NUCKS1: variants seen among roughly 807,000 people sequenced by gnomAD.
The protein encoded by NUCKS1 is nuclear casein kinase and cyclin dependent kinase substrate 1.
Under a neutral mutation model 33.0 loss-of-function variants are expected in NUCKS1, and 2 were observed. The ratio of observed to expected loss-of-function variants is 0.06; its 90% CI spans 0.02 to 0.19. The LOEUF (loss-of-function observed/expected upper bound fraction) is 0.19, where lower values mean the gene tolerates loss of function less well. NUCKS1 is among the 10% of genes least tolerant of loss of function. The probability of loss-of-function intolerance (pLI) is 1.00; values close to 1 mark genes in which losing one functional copy is unlikely to be tolerated. For synonymous variants in NUCKS1, 106 were observed against 102.8 expected, an observed-to-expected ratio of 1.03 and a Z score of -0.19; for missense variants, 201 against 293.6, an observed-to-expected ratio of 0.68 and a Z score of 2.31.
chr1:205,749,891 C>T, intron 1 of NUCKS1, 66 bp downstream of exon 1: 1 of 1,524,530 alleles, frequency 6.6e-7, no homozygotes, highest in East Asian at 2.3e-5. Flanking sequence ...CTTCTGTCCC[C>T]CACTCTTTTC....
At position 205,715,423 on chromosome 1, in the gene NUCKS1, A is replaced by G. The variant is rs1343206592; in HGVS notation, c.*2857T>C. On this transcript the variant is annotated 3_prime_UTR_variant, in exon 7 of 7. Transcript: ENST00000367142. Reference sequence around the variant, plus strand: ...TATGGAGTGGAAATATGAAATGAGGAGATGTTTTAGAAAGCAGGACAAATC... The same window carrying G: ...TATGGAGTGGAAATATGAAATGAGGGGATGTTTTAGAAAGCAGGACAAATC... 1.3e-5 allele frequency: 2 copies of G among 152,232 alleles called. No homozygotes were observed. The highest frequency in any genetic ancestry group is 3.8e-4 in the East Asian group (2 of 5,202). The allele number at this position is 152,232 out of a possible 1,614,324, so 9.4% of individuals were successfully genotyped here.
At chr1:205,745,475 G>A (rs1258538596) in intron 1 of NUCKS1, among the ~76,000 whole-genome samples, 4 of 147,674 alleles carry the variant, frequency 2.7e-5, no homozygotes, top group African/African-American at 4.9e-5. Context: ...GGGTGACAGT[G>A]AGATCCTGTC....
At chr1:205,738,265 T>A (rs1654076223) in intron 1 of NUCKS1, among the ~76,000 whole-genome samples, 1 of 152,000 alleles carries the variant, frequency 6.6e-6, no homozygotes, top group Non-Finnish European at 1.5e-5. Flanking sequence ...TGACCTCAAG[T>A]GATCTGCCCG....
intron 2 of NUCKS1, among the ~76,000 whole-genome samples, chr1:205,729,334 T>C (rs752138000): frequency 6.6e-6 from 1 of 152,162 alleles, no homozygotes; most frequent in Non-Finnish European, 1.5e-5. Flanking sequence ...AACTTTGGAC[T>C]CCAAAACCAG....
At chr1:205,734,907 A>G (rs1240806290) in intron 1 of NUCKS1, among the ~76,000 whole-genome samples, 2 of 152,134 alleles carry the variant, frequency 1.3e-5, no homozygotes, top group African/African-American at 4.8e-5. Flanking sequence ...AAAAAAAATA[A>G]AAAAGTTTAT....
In NUCKS1 at chr1:205,719,691, G is replaced by T. The variant is rs1671888029; in HGVS notation, c.383-15C>A. On this transcript the variant is annotated splice_polypyrimidine_tract_variant and intron_variant, in intron 5 of 6. Transcript: ENST00000367142. ...GCCGGAATCTTCTGAGAAGAAAGAA[G>T]AATTTCAACATCTAACTTAATGTAC... The T allele has an allele frequency of 3.7e-6, 6 of 1,602,810 alleles. No homozygotes were observed. The highest frequency in any genetic ancestry group is 5.1e-6 in the Non-Finnish European group (6 of 1,176,934).
At position 205,750,048 on chromosome 1, in the gene NUCKS1, A is replaced by AC. The variant is rs755727511; in HGVS notation, c.-76dup. The AC allele has an allele frequency of 4.2e-4, 365 of 875,936 alleles. 1 individual carries two copies. The highest frequency in any genetic ancestry group is 9.4e-4 in the East Asian group (8 of 8,524). The allele number at this position is 875,936 out of a possible 1,614,324, so 54.3% of individuals were successfully genotyped here. Reference sequence around the variant, plus strand: ...CCCCACCCCGCGCGCTCGGCGCCCCACCCCCCCCGAACTTCAGCCGATGGG... The same window carrying AC: ...CCCCACCCCGCGCGCTCGGCGCCCCACCCCCCCCCGAACTTCAGCCGATGGG... On this transcript the variant is annotated 5_prime_UTR_variant, in exon 1 of 7. Coordinates refer to ENST00000367142, the MANE Select transcript of NUCKS1 (RefSeq NM_022731.5).
chr1:205,742,731 G>T (rs1354108345), intron 1 of NUCKS1, among the ~76,000 whole-genome samples: 1 of 152,122 alleles, frequency 6.6e-6, no homozygotes, highest in African/African-American at 2.4e-5. Flanking sequence ...AGGCTGAGGC[G>T]GGAGAATGGC....
chr1:205,743,630 C>A, intron 1 of NUCKS1, among the ~76,000 whole-genome samples: 1 of 152,082 alleles, frequency 6.6e-6, no homozygotes, highest in East Asian at 1.9e-4. Flanking sequence ...TGGGACAAAC[C>A]CTACTTGATC....
intron 1 of NUCKS1, among the ~76,000 whole-genome samples, chr1:205,748,868 C>T (rs946666182): frequency 2.6e-5 from 4 of 152,244 alleles, no homozygotes; most frequent in Non-Finnish European, 5.9e-5. Context: ...CAATTCCTTA[C>T]ATTAAAAATA....
chr1:205,750,156 C>T lies in NUCKS1; in HGVS notation c.-183G>A, dbSNP rs1211017430. On this transcript the variant is annotated 5_prime_UTR_variant, in exon 1 of 7. Transcript: ENST00000367142. ...AGGGCTCCTGGAACAGACGAGCCCC[C>T]CGCTCCCCCGTCTCTTCAAAATGGA... The T allele has an allele frequency of 1.6e-6, 1 of 644,698 alleles. No individual in the cohort carries two copies. Among genetic ancestry groups the T allele is most frequent in the Non-Finnish European group, 2.7e-6 (1 of 365,674 alleles). The allele number at this position is 644,698 out of a possible 1,614,324, so 39.9% of individuals were successfully genotyped here.
At chr1:205,728,640 AG>A (rs1293835272) in intron 2 of NUCKS1, among the ~76,000 whole-genome samples, 3 of 152,102 alleles carry the variant, frequency 2.0e-5, no homozygotes, top group African/African-American at 7.2e-5. Context: ...GTATTTTCTA[AG>A]TCTTCCCAAA....
Position 205,723,915 on chromosome 1 carries a change from T to C in NUCKS1, c.229+11A>G, listed in dbSNP as rs1391793959. The C allele has an allele frequency of 2.4e-5, 38 of 1,567,942 alleles. No homozygotes were observed. The highest frequency in any genetic ancestry group is 3.2e-5 in the Non-Finnish European group (36 of 1,139,586). ...ATAATTATACCTCTTACATTTAAAA[T>C]AGTTTACTACCTGCTGAGTGAGAAT... On this transcript the variant is annotated intron_variant, in intron 4 of 6. Coordinates refer to ENST00000367142, the MANE Select transcript of NUCKS1 (RefSeq NM_022731.5).
At chr1:205,741,883 T>C (rs1448253507) in intron 1 of NUCKS1, among the ~76,000 whole-genome samples, 1 of 152,224 alleles carries the variant, frequency 6.6e-6, no homozygotes, top group Non-Finnish European at 1.5e-5. Flanking sequence ...TAGTTCTCTG[T>C]GTCAAAATGA....
intron 1 of NUCKS1, among the ~76,000 whole-genome samples, chr1:205,749,108 T>A (rs1654406290): frequency 6.6e-6 from 1 of 152,172 alleles, no homozygotes; most frequent in African/African-American, 2.4e-5. Flanking sequence ...TACAAAAATA[T>A]CCCGAGACGC....
At chr1:205,725,259 C>T (rs942584113) in intron 3 of NUCKS1, among the ~76,000 whole-genome samples, 2 of 152,182 alleles carry the variant, frequency 1.3e-5, no homozygotes, top group Non-Finnish European at 1.5e-5. Context: ...TACAATTTTA[C>T]GATTCCATGA....
intron 5 of NUCKS1, 169 bp from the exon 6 acceptor site, chr1:205,719,845 T>C: frequency 1.6e-6 from 1 of 608,692 alleles, no homozygotes; most frequent in Non-Finnish European, 2.7e-6. Flanking sequence ...CTGGCCTCAT[T>C]TGTCAAATGG....
intron 4 of NUCKS1, among the ~76,000 whole-genome samples, chr1:205,722,492 G>A (rs1671940083): frequency 6.6e-6 from 1 of 152,098 alleles, no homozygotes; most frequent in Admixed American, 6.6e-5. Context: ...CCTGACCTCA[G>A]GTGATCCACC....
At chr1:205,735,027 G>C (rs1307349875) in intron 1 of NUCKS1, among the ~76,000 whole-genome samples, 1 of 152,100 alleles carries the variant, frequency 6.6e-6, no homozygotes. Flanking sequence ...ATACATTTTT[G>C]ATGAATTTGT....
Sources: allele counts gnomAD v4.1 joint callset (sites outside exome capture counted in the v4.1 genomes callset), GRCh38; gene constraint gnomAD v4.1.1; transcripts MANE v1.5; gene names NCBI Gene and HGNC (gene_info 2026-07-23, HGNC 2026-07-21).